PLPP7: variants seen among roughly 807,000 people sequenced by gnomAD.
PLPP7 encodes inactive phospholipid phosphatase 7.
A neutral mutation model predicts 16.9 loss-of-function variants in PLPP7; 11 were observed. The observed-to-expected ratio is 0.65, with a 90% CI of 0.41 to 1.08. PLPP7 has a LOEUF of 1.08. Among genes scored for constraint, PLPP7 ranks in the 50% least tolerant of loss-of-function variants. The pLI is 0.00. For missense variants in PLPP7, 358 were observed against 397.1 expected (o/e 0.90, Z 0.84); for synonymous variants, 174 against 175.1 (o/e 0.99, Z 0.05).
intron 1 of PLPP7, among the ~76,000 whole-genome samples, chr9:131,302,914 A>G (rs1246070059): frequency 3.3e-5 from 5 of 152,238 alleles, no homozygotes; most frequent in Non-Finnish European, 7.3e-5. Flanking sequence ...TGGCATGGAC[A>G]GTTAGGTGCA....
At chr9:131,291,573 T>C (rs1014134238) in intron 1 of PLPP7, 1 of 265,834 alleles carries the variant, frequency 3.8e-6, no homozygotes, top group Non-Finnish European at 5.9e-6. Context: ...TTTTTTTTTT[T>C]TTTGACAGAG....
rs1835730315 is a variant in PLPP7 at position 131,295,824 on chromosome 9, G to T, written c.451+5376G>T. On this transcript the variant is annotated intron_variant, in intron 1 of 1. Coordinates refer to ENST00000372264, the MANE Select transcript of PLPP7 (RefSeq NM_032728.4). The surrounding 1 kb of genome is among the most constrained non-coding windows in gnomAD (Gnocchi z 4.0). ...TCGAGGTCCATCCATGCTGTAGCGG[G>T]CGCCGGCATTTCCTTCCTCTCTAAG... 6.6e-6 allele frequency among the ~76,000 whole-genome samples: 1 copy of T among 152,114 alleles called. No individual in the cohort carries two copies. The highest frequency in any genetic ancestry group is 1.5e-5 in the Non-Finnish European group (1 of 68,032).
In PLPP7 at chr9:131,290,667, T is replaced by C. The variant is rs1426218654; in HGVS notation, c.451+219T>C. ...CGAGGCTCTCCTGCCACATGCCAAA[T>C]GAAGACAGAGGCCATTGCGGCCCTG... On this transcript the variant is annotated intron_variant, in intron 1 of 1. Transcript: ENST00000372264. The surrounding 1 kb of genome is among the most constrained non-coding windows in gnomAD (Gnocchi z 4.2). Among the ~76,000 whole-genome samples, 1 of 152,114 alleles carries C rather than the reference T, an allele frequency of 6.6e-6. No individual in the cohort carries two copies. The highest frequency in any genetic ancestry group is 1.5e-5 in the Non-Finnish European group (1 of 68,010).
At position 131,308,036 on chromosome 9, in the gene PLPP7, T is replaced by C. The variant is rs1445625090; in HGVS notation, c.565T>C (p.Phe189Leu). ...LDYLTMDIYA[F>L]PAGHASRAAM... ...CTACCTCACCATGGACATCTACGCC[T>C]TCCCGGCCGGGCACGCCAGCCGCGC... The change falls in exon 2 of 2, where the codon TTC becomes CTC. Residue 189 changes from phenylalanine (F) to leucine (L), a missense_variant. By Grantham distance (22) the Phe-to-Leu change is conservative. Transcript: ENST00000372264. 2 of 1,601,070 alleles carry C rather than the reference T, an allele frequency of 1.2e-6. No individual in the cohort carries two copies. Among genetic ancestry groups the C allele is most frequent in the Admixed American group, 3.3e-5 (2 of 60,022 alleles).
rs1173123074 is a variant in PLPP7, at chr9:131,308,390, G to A, written c.*103G>A. ...CGTGGGTGGAACAGAGCGGCCAGGA[G>A]TCAGAGCGGCCACCCCCACCTCATC... On this transcript the variant is annotated 3_prime_UTR_variant, in exon 2 of 2. Transcript: ENST00000372264. The A allele has an allele frequency of 2.8e-6, 4 of 1,438,408 alleles. No individual in the cohort carries two copies. Among genetic ancestry groups the A allele is most frequent in the East Asian group, 2.5e-5 (1 of 39,980 alleles). The allele number at this position is 1,438,408 out of a possible 1,614,324, so 89.1% of individuals were successfully genotyped here.
intron 1 of PLPP7, among the ~76,000 whole-genome samples, chr9:131,306,223 C>T (rs1176783359): frequency 6.6e-6 from 1 of 150,904 alleles, no homozygotes; most frequent in Non-Finnish European, 1.5e-5. Flanking sequence ...GATGACTGAG[C>T]GAGACTCTGT....
chr9:131,304,677 G>A (rs986854041), intron 1 of PLPP7, among the ~76,000 whole-genome samples: 3 of 152,126 alleles, frequency 2.0e-5, no homozygotes, highest in Non-Finnish European at 2.9e-5. Context: ...AGCCCACCTC[G>A]CTGGTTATGA....
At position 131,309,234 on chromosome 9, in the gene PLPP7, GT is replaced by G. The variant is rs1168732784; in HGVS notation, c.*948del. 6.6e-6 allele frequency: 1 copy of G among 152,666 alleles called. No individual in the cohort carries two copies. The highest frequency in any genetic ancestry group is 1.5e-5 in the Non-Finnish European group (1 of 68,044). 9.5% of individuals were successfully genotyped at this position (152,666 alleles called of 1,614,324 possible). A position where few individuals can be genotyped will look rare whatever the true frequency, so the allele number is the denominator to read the frequency against. The stretch of plus-strand genomic sequence containing the variant: ...CACCCGTTTTGGATGTGCATTTCAT[GT>G]GACAATACAGATGACATGCAAATGG... On this transcript the variant is annotated 3_prime_UTR_variant, in exon 2 of 2. Transcript: ENST00000372264.
Position 131,308,026 on chromosome 9 carries a change from C to T in PLPP7, c.555C>T (p.Asp185=), listed in dbSNP as rs1835873443. The part of the protein sequence containing the change: ...SPSLLDYLTM[D]IYAFPAGHAS... Reference sequence around the variant, plus strand: ...GCCTCCTGGACTACCTCACCATGGACATCTACGCCTTCCCGGCCGGGCACG... The same window carrying T: ...GCCTCCTGGACTACCTCACCATGGATATCTACGCCTTCCCGGCCGGGCACG... The change falls in exon 2 of 2, where the codon GAC becomes GAT. Residue 185 remains aspartate, a synonymous_variant. Coordinates refer to ENST00000372264, the MANE Select transcript of PLPP7 (RefSeq NM_032728.4). The T allele has an allele frequency of 6.2e-7, 1 of 1,601,092 alleles. No homozygotes were observed. The highest frequency in any genetic ancestry group is 1.1e-5 in the South Asian group (1 of 91,078).
At chr9:131,302,302 G>T (rs568605688) in intron 1 of PLPP7, among the ~76,000 whole-genome samples, 1 of 152,300 alleles carries the variant, frequency 6.6e-6, no homozygotes, top group East Asian at 1.9e-4. Context: ...CATTTTTGGG[G>T]AAGTGGTGGG....
rs1381708209 is a variant in PLPP7 at position 131,290,619 on chromosome 9, A to C, written c.451+171A>C. Among the ~76,000 whole-genome samples the C allele has an allele frequency of 7.6e-6, 1 of 131,936 alleles. No individual in the cohort carries two copies. The highest frequency in any genetic ancestry group is 2.6e-5 in the African/African-American group (1 of 38,728). The allele number at this position is 131,936 out of a possible 152,430, so 86.6% of individuals were successfully genotyped here. On this transcript the variant is annotated intron_variant, in intron 1 of 1. Coordinates refer to ENST00000372264, the MANE Select transcript of PLPP7 (RefSeq NM_032728.4). This position sits in a 1 kb window ranked among gnomAD's most constrained non-coding sequence, Gnocchi z 4.2. ...AAACAGGCAGGCTCCGGCGTGGGGGAGCGACAGCCAGGGATGCATAGACGA... is the reference window on the plus strand; with the variant it reads ...AAACAGGCAGGCTCCGGCGTGGGGGCGCGACAGCCAGGGATGCATAGACGA...
In PLPP7 at chr9:131,290,401, A is replaced by G; in HGVS notation, c.404A>G (p.Lys135Arg). The change falls in exon 1 of 2, where the codon AAG (lysine) becomes AGG (arginine). Residue 135 changes from lysine (K) to arginine (R), a missense_variant. Coordinates refer to ENST00000372264, the MANE Select transcript of PLPP7 (RefSeq NM_032728.4). This position sits in a 1 kb window ranked among gnomAD's most constrained non-coding sequence, Gnocchi z 4.2. ...GGAGGCACCATCCTCTGCCTGGTGA[A>G]GAGCAGCACACTGGCCGGCCAGGAG... The part of the protein sequence containing the change: ...WIGGTILCLV[K>R]SSTLAGQEVL... 1 of 1,585,068 alleles carries G rather than the reference A, an allele frequency of 6.3e-7. No homozygotes were observed. The highest frequency in any genetic ancestry group is 1.1e-5 in the South Asian group (1 of 87,766).
intron 1 of PLPP7, among the ~76,000 whole-genome samples, chr9:131,304,509 C>G (rs968255706): frequency 6.6e-6 from 1 of 152,164 alleles, no homozygotes; most frequent in Non-Finnish European, 1.5e-5. Flanking sequence ...GTGTCAGGTA[C>G]CTGTTGTCCT....
chr9:131,301,912 G>A (rs1233236748), intron 1 of PLPP7, among the ~76,000 whole-genome samples: 2 of 151,156 alleles, frequency 1.3e-5, no homozygotes, highest in African/African-American at 2.4e-5. Flanking sequence ...CGCCTCCCGG[G>A]TTCAAGTGAT....
chr9:131,307,990 G>A lies in PLPP7; in HGVS notation c.519G>A (p.Glu173=), dbSNP rs1398467365. 3 of 1,600,534 alleles carry A rather than the reference G, an allele frequency of 1.9e-6. No homozygotes were observed. The highest frequency in any genetic ancestry group is 3.3e-5 in the Admixed American group (2 of 60,004). Reference sequence around the variant, plus strand: ...TCATCAAGCGGCGCGGCCCGTACGAGACGAGCCCCAGCCTCCTGGACTACC... The same window carrying A: ...TCATCAAGCGGCGCGGCCCGTACGAAACGAGCCCCAGCCTCCTGGACTACC... ...QKLIKRRGPY[E]TSPSLLDYLT... Residue 173 remains glutamate, a synonymous_variant, in exon 2 of 2, where the codon GAG becomes GAA. Transcript: ENST00000372264.
chr9:131,292,538 G>C (rs1047477566), intron 1 of PLPP7, among the ~76,000 whole-genome samples: 1 of 152,164 alleles, frequency 6.6e-6, no homozygotes, highest in East Asian at 1.9e-4. Context: ...GTCAGTGATG[G>C]AGCCAGGAGC....
intron 1 of PLPP7, among the ~76,000 whole-genome samples, chr9:131,296,967 T>A (rs987865885): frequency 6.6e-6 from 1 of 152,228 alleles, no homozygotes; most frequent in Non-Finnish European, 1.5e-5. Context: ...TCCCAAATCT[T>A]CGCTCAGATA....
chr9:131,291,638 C>T (rs537635496), intron 1 of PLPP7, among the ~76,000 whole-genome samples: 27 of 150,494 alleles, frequency 1.8e-4, no homozygotes, highest in African/African-American at 6.4e-4. Flanking sequence ...GATCTTGGCT[C>T]ACTACAACCT....
chr9:131,304,405 TG>T (rs1484313627), intron 1 of PLPP7, among the ~76,000 whole-genome samples: 2 of 152,016 alleles, frequency 1.3e-5, no homozygotes, highest in East Asian at 3.9e-4. Context: ...GAGGCGGAGG[TG>T]GGCAGATCCC....
Sources: gnomAD v4.1 joint callset for allele counts (sites outside exome capture counted in the v4.1 genomes callset) on GRCh38, gnomAD v4.1.1 for gene constraint, Gnocchi (gnomAD v3.1) non-coding constraint, MANE v1.5 for transcripts, NCBI Gene and HGNC (gene_info 2026-07-23, HGNC 2026-07-21) for gene names.